The following CACNA1C variants were observed in gnomAD, a reference collection of about 807,000 sequenced individuals.
CACNA1C encodes voltage-dependent L-type calcium channel subunit alpha-1C.
CACNA1C carries 30 observed loss-of-function variants against 229.0 expected under a neutral mutation model. That is an observed-to-expected ratio of 0.13 (90% CI 0.10 to 0.18). The LOEUF (loss-of-function observed/expected upper bound fraction) is 0.18. Ranked by LOEUF, CACNA1C falls within the 10% of genes least tolerant of loss-of-function variation. CACNA1C has a pLI of 1.00. For missense variants in CACNA1C, 1,658 were observed against 2,845.0 expected (o/e 0.58, Z 9.49); for synonymous variants, 1,114 against 1,132.5 (o/e 0.98, Z 0.33).
At chr12:2,578,480 G>A (rs1313835600) in intron 13 of CACNA1C, among the ~76,000 whole-genome samples, 2 of 152,142 alleles carry the variant, frequency 1.3e-5, no homozygotes, top group South Asian at 2.1e-4. Context: ...CTGAGGCTTC[G>A]TGGGCCTCAC....
At chr12:2,389,133 T>C (rs1346365453) in intron 3 of CACNA1C, among the ~76,000 whole-genome samples, 1 of 151,536 alleles carries the variant, frequency 6.6e-6, no homozygotes, top group South Asian at 2.1e-4. Flanking sequence ...ACCAGGAAAG[T>C]GTGGAGTCAT....
chr12:2,534,025 G>T (rs1441527815), intron 9 of CACNA1C, among the ~76,000 whole-genome samples: 1 of 152,316 alleles, frequency 6.6e-6, no homozygotes, highest in Admixed American at 6.5e-5. Context: ...ATTCTGGGAT[G>T]CCACGTAGGT....
At chr12:2,000,468 A>AC (rs1417720860) in intron 1 of CACNA1C, among the ~76,000 whole-genome samples, 1 of 147,878 alleles carries the variant, frequency 6.8e-6, no homozygotes, top group Non-Finnish European at 1.5e-5. Flanking sequence ...TCTTTTCTTA[A>AC]TTAAAAAAAA....
chr12:2,227,277 T>A (rs1396991891), intron 3 of CACNA1C, among the ~76,000 whole-genome samples: 19 of 152,186 alleles, frequency 1.2e-4, no homozygotes, highest in Admixed American at 1.2e-3. Context: ...ATTTCAAGCT[T>A]TGAGTGCTGA....
intron 5 of CACNA1C, among the ~76,000 whole-genome samples, chr12:2,458,242 T>C (rs2099457094): frequency 6.6e-6 from 1 of 152,232 alleles, no homozygotes; most frequent in South Asian, 2.1e-4. Flanking sequence ...CGCCTGTCAT[T>C]GTGAGAACTT....
intron 3 of CACNA1C, among the ~76,000 whole-genome samples, chr12:2,159,685 A>G (rs190938495): frequency 6.6e-6 from 1 of 150,758 alleles, no homozygotes; most frequent in Non-Finnish European, 1.5e-5. Flanking sequence ...GCTCACTGCA[A>G]CCTTCACCTC....
chr12:2,657,033 G>A (rs778182458), intron 34 of CACNA1C, among the ~76,000 whole-genome samples: 39 of 152,162 alleles, frequency 2.6e-4, no homozygotes, highest in Non-Finnish European at 3.8e-4. Flanking sequence ...CAGTAGTCAA[G>A]CAAAATAGAG....
intron 5 of CACNA1C, among the ~76,000 whole-genome samples, chr12:2,460,182 G>A (rs951141965): frequency 3.9e-5 from 6 of 152,184 alleles, no homozygotes; most frequent in African/African-American, 1.4e-4. Flanking sequence ...CATGGCTGGG[G>A]GAGGTGCTCA....
In CACNA1C at chr12:2,378,779, GTCCTTCCT is replaced by G. The variant is rs146245294; in HGVS notation, c.478-70164_478-70157del. On this transcript the variant is annotated intron_variant, in intron 3 of 46. Transcript: ENST00000399655. Reference sequence around the variant, plus strand: ...TTGTTCTTTTTGTTTGTTTATTTGGGTCCTTCCTTCCTTCCTTCCTTCCTTCCTTCCTT... The same window carrying G: ...TTGTTCTTTTTGTTTGTTTATTTGGGTCCTTCCTTCCTTCCTTCCTTCCTT... 4.2e-3 allele frequency among the ~76,000 whole-genome samples: 611 copies of G among 144,128 alleles called. 3 individuals carry two copies. Among genetic ancestry groups the G allele is most frequent in the Non-Finnish European group, 6.5e-3 (436 of 66,680 alleles). The allele number at this position is 144,128 out of a possible 152,430, so 94.6% of individuals were successfully genotyped here.
intron 14 of CACNA1C, 66 bp downstream of exon 14, chr12:2,581,863 G>A: frequency 1.0e-6 from 1 of 992,488 alleles, no homozygotes; most frequent in East Asian, 2.5e-5. Context: ...TGGGAGGAGT[G>A]TGGGAAGCTG....
intron 1 of CACNA1C, among the ~76,000 whole-genome samples, chr12:2,043,848 G>A (rs1175359616): frequency 6.8e-6 from 1 of 146,054 alleles, no homozygotes; most frequent in Non-Finnish European, 1.5e-5. Context: ...GTAGAGACGG[G>A]GTTTCACCTT....
Position 2,677,624 on chromosome 12 carries a change from G to A in CACNA1C, c.4957-109G>A. 1.6e-6 allele frequency: 2 copies of A among 1,269,024 alleles called. No homozygotes were observed. Among genetic ancestry groups the A allele is most frequent in the Non-Finnish European group, 2.2e-6 (2 of 903,498 alleles). 78.6% of individuals were successfully genotyped at this position (1,269,024 alleles called of 1,614,324 possible). A position where few individuals can be genotyped will look rare whatever the true frequency, so the allele number is the denominator to read the frequency against. On this transcript the variant is annotated intron_variant, in intron 40 of 46. Coordinates refer to ENST00000399655, the MANE Select transcript of CACNA1C (RefSeq NM_000719.7). The surrounding 1 kb of genome is among the most constrained non-coding windows in gnomAD (Gnocchi z 7.4). ...CTTCCGGAGGGTCGACTGGCTGGGT[G>A]GAGGATGCCAGGGCCCTGGAGGGAC...
chr12:2,335,167 CCT>C (rs761743511), intron 3 of CACNA1C, among the ~76,000 whole-genome samples: 23 of 152,150 alleles, frequency 1.5e-4, no homozygotes, highest in East Asian at 5.8e-4. Flanking sequence ...ACTGTGATCC[CCT>C]GTCTTCCCCC....
At chr12:2,172,192 G>C (rs1367468043) in intron 3 of CACNA1C, among the ~76,000 whole-genome samples, 1 of 152,198 alleles carries the variant, frequency 6.6e-6, no homozygotes, top group Non-Finnish European at 1.5e-5. Context: ...GAAGCAACCA[G>C]GAGCTTGAGC....
Position 2,053,668 on chromosome 12 carries a change from GCCCTACCCGCGCTCCC to G in CACNA1C, c.49+59_49+74del, listed in dbSNP as rs2053095623. ...TCCCTGCCTTTTCCACCGGGTTCCT[GCCCTACCCGCGCTCCC>G]CGCGGCCCCGGGGCCGGTCCCTGCG... is the stretch of plus-strand genomic sequence containing the variant. On this transcript the variant is annotated intron_variant, in intron 1 of 46. Coordinates refer to ENST00000399655, the MANE Select transcript of CACNA1C (RefSeq NM_000719.7). This position sits in a 1 kb window ranked among gnomAD's most constrained non-coding sequence, Gnocchi z 5.8. 2 of 1,419,458 alleles carry G rather than the reference GCCCTACCCGCGCTCCC, an allele frequency of 1.4e-6. No homozygotes were observed. The highest frequency in any genetic ancestry group is 9.3e-7 in the Non-Finnish European group (1 of 1,073,742). 87.9% of individuals were successfully genotyped at this position (1,419,458 alleles called of 1,614,324 possible).
chr12:2,572,265 C>G (rs2154593729), intron 13 of CACNA1C, among the ~76,000 whole-genome samples: 1 of 151,406 alleles, frequency 6.6e-6, no homozygotes, highest in South Asian at 2.1e-4. Flanking sequence ...AAAATACTGC[C>G]CTTCATATGC....
chr12:2,114,897 C>T (rs4765896), intron 1 of CACNA1C, among the ~76,000 whole-genome samples: 1 of 152,240 alleles, frequency 6.6e-6, no homozygotes, highest in Admixed American at 6.5e-5. Flanking sequence ...ATTTTAATTT[C>T]TAGGTAATGT....
chr12:2,627,662 T>G (rs1051991259), intron 29 of CACNA1C, among the ~76,000 whole-genome samples: 42 of 152,072 alleles, frequency 2.8e-4, no homozygotes, highest in Non-Finnish European at 1.0e-4. Context: ...CTAGGTCCGG[T>G]GAAGCCATCT....
intron 3 of CACNA1C, among the ~76,000 whole-genome samples, chr12:2,434,042 A>G (rs897569218): frequency 6.6e-6 from 1 of 152,238 alleles, no homozygotes; most frequent in Non-Finnish European, 1.5e-5. Context: ...CTATGCATAC[A>G]TGGACATGGC....
Sources: allele counts gnomAD v4.1 joint callset (sites outside exome capture counted in the v4.1 genomes callset), GRCh38; gene constraint gnomAD v4.1.1; non-coding constraint Gnocchi (gnomAD v3.1); transcripts MANE v1.5; gene names NCBI Gene and HGNC (gene_info 2026-07-23, HGNC 2026-07-21).